The following RERE variants were observed in gnomAD, a reference collection of about 807,000 sequenced individuals.
RERE encodes arginine-glutamic acid dipeptide repeats protein.
Under a neutral mutation model 146.1 loss-of-function variants are expected in RERE, and 40 were observed. The ratio of observed to expected loss-of-function variants is 0.27; its 90% CI spans 0.21 to 0.36. The LOEUF (loss-of-function observed/expected upper bound fraction) is 0.36, where lower values mean the gene tolerates loss of function less well. Ranked by LOEUF, RERE falls within the 10% of genes least tolerant of loss-of-function variation. The pLI, the probability that RERE is intolerant of heterozygous loss-of-function variation, is 1.00. For synonymous variants in RERE, 1,003 were observed against 866.0 expected, an observed-to-expected ratio of 1.16 and a Z score of -2.78; for missense variants, 1,933 against 2,138.7, an observed-to-expected ratio of 0.90 and a Z score of 1.90.
chr1:8,657,222 G>A (rs1349262927), intron 1 of RERE, among the ~76,000 whole-genome samples: 5 of 150,544 alleles, frequency 3.3e-5, no homozygotes, highest in African/African-American at 9.8e-5. Context: ...GGAGAATGGC[G>A]TGAACCCAGG....
intron 4 of RERE, among the ~76,000 whole-genome samples, chr1:8,603,385 G>A (rs531661243): frequency 1.2e-4 from 19 of 152,286 alleles, no homozygotes; most frequent in South Asian, 8.3e-4. Flanking sequence ...CAGGAAAACC[G>A]AGTCATTACA....
At chr1:8,731,413 A>G (rs1423867053) in intron 1 of RERE, among the ~76,000 whole-genome samples, 1 of 152,190 alleles carries the variant, frequency 6.6e-6, no homozygotes, top group Non-Finnish European at 1.5e-5. Context: ...TGGGGAAAGG[A>G]CAATTACTCA....
intron 4 of RERE, among the ~76,000 whole-genome samples, chr1:8,589,565 T>C (rs963244754): frequency 7.9e-5 from 12 of 152,258 alleles, no homozygotes; most frequent in African/African-American, 2.4e-4. Flanking sequence ...GCCCTATTTA[T>C]TGAATATCTA....
intron 4 of RERE, among the ~76,000 whole-genome samples, chr1:8,599,299 C>T (rs540096298): frequency 1.3e-5 from 2 of 152,072 alleles, no homozygotes; most frequent in African/African-American, 2.4e-5. Flanking sequence ...TTAAAATCAA[C>T]GAAAAAAGCA....
intron 1 of RERE, among the ~76,000 whole-genome samples, chr1:8,760,685 T>C (rs1640738115): frequency 6.6e-6 from 1 of 152,248 alleles, no homozygotes; most frequent in Admixed American, 6.5e-5. Context: ...ATATTTACTA[T>C]AATTATTCCC....
chr1:8,359,752 C>G lies in RERE; in HGVS notation c.3618+12G>C. On this transcript the variant is annotated intron_variant, in intron 19 of 22. Transcript: ENST00000400908. ...AGCGCCCCCCGTCACACCTCGCCAA[C>G]CCTGGACTCACAGCCGCCCGCTCTG... 1 of 1,598,890 alleles carries G rather than the reference C, an allele frequency of 6.3e-7. No homozygotes were observed. Among genetic ancestry groups the G allele is most frequent in the Non-Finnish European group, 8.5e-7 (1 of 1,179,352 alleles).
intron 7 of RERE, among the ~76,000 whole-genome samples, chr1:8,540,595 C>T (rs189222180): frequency 6.6e-6 from 1 of 152,268 alleles, no homozygotes; most frequent in African/African-American, 2.4e-5. Flanking sequence ...CCACGTGCTA[C>T]ATTAAAGTAG....
At chr1:8,531,687 G>A (rs1391346002) in intron 7 of RERE, among the ~76,000 whole-genome samples, 1 of 152,174 alleles carries the variant, frequency 6.6e-6, no homozygotes, top group East Asian at 1.9e-4. Context: ...CTTGCTGTAA[G>A]TTTATGGTAA....
At chr1:8,649,340 A>G (rs1367241195) in intron 2 of RERE, among the ~76,000 whole-genome samples, 6 of 152,240 alleles carry the variant, frequency 3.9e-5, no homozygotes, top group Admixed American at 1.3e-4. Context: ...GAAGTAATAC[A>G]AAACAGACTT....
chr1:8,572,448 T>C lies in RERE; in HGVS notation c.523-14925A>G, dbSNP rs189185875. Among the ~76,000 whole-genome samples the C allele has an allele frequency of 7.2e-5, 11 of 152,352 alleles. No homozygotes were observed. In the East Asian group the frequency reaches 2.1e-3, roughly 29 times the overall value. ...GAGAATACTACAGACAGGAATCCCA[T>C]GATCTTTAAATCAAGTAATCGGCTA... On this transcript the variant is annotated intron_variant, in intron 4 of 22. Coordinates refer to ENST00000400908, the MANE Select transcript of RERE (RefSeq NM_001042681.2).
intron 12 of RERE, among the ~76,000 whole-genome samples, chr1:8,374,496 G>A (rs1042015853): frequency 6.6e-6 from 1 of 152,296 alleles, no homozygotes; most frequent in Admixed American, 6.5e-5. Flanking sequence ...TCTGGTGGAT[G>A]AACTCAGCCA....
At position 8,361,174 on chromosome 1, in the gene RERE, G is replaced by A; in HGVS notation, c.2333C>T (p.Ser778Phe). ...GTTAGGGGCCTGGGAGGCCGTGGGG[G>A]AGCCCTGTGGGGGAACTGCAGTGGC... ...PSATAVPPQG[S>F]PTASQAPNQP... is the part of the protein sequence containing the mutation. The change falls in exon 18 of 23, where the codon TCC (serine) becomes TTC (phenylalanine). Residue 778 changes from serine (S) to phenylalanine (F), a missense_variant. Around this residue, in one of 11 missense-constraint regions of RERE, gnomAD observed 1,255 missense variants for 1,153.8 expected, o/e 1.09. Transcript: ENST00000400908. The A allele has an allele frequency of 4.8e-6, 7 of 1,460,442 alleles. No individual in the cohort carries two copies. The highest frequency in any genetic ancestry group is 6.3e-6 in the Non-Finnish European group (7 of 1,112,240). The allele number at this position is 1,460,442 out of a possible 1,614,324, so 90.5% of individuals were successfully genotyped here. A position where few individuals can be genotyped will look rare whatever the true frequency, so the allele number is the denominator to read the frequency against.
At chr1:8,682,825 T>C (rs969656933) in intron 1 of RERE, among the ~76,000 whole-genome samples, 2 of 152,070 alleles carry the variant, frequency 1.3e-5, no homozygotes, top group Non-Finnish European at 2.9e-5. Context: ...CCAGTCTTTA[T>C]TAGAAATGAC....
At chr1:8,425,147 T>C (rs529479745) in intron 11 of RERE, 1 of 152,310 alleles carries the variant, frequency 6.6e-6, no homozygotes. Flanking sequence ...AGTTCAGGTA[T>C]GAGATGAGGA....
chr1:8,620,476 AT>A (rs892708525), intron 3 of RERE, among the ~76,000 whole-genome samples: 1 of 152,094 alleles, frequency 6.6e-6, no homozygotes, highest in Non-Finnish European at 1.5e-5. Flanking sequence ...ATTTTTACAG[AT>A]ATATTAGGGG....
chr1:8,370,320 C>G (rs760937341), intron 12 of RERE, among the ~76,000 whole-genome samples: 1 of 151,840 alleles, frequency 6.6e-6, no homozygotes, highest in Non-Finnish European at 1.5e-5. Flanking sequence ...TAGCGGTTGC[C>G]GAGAGCCTGG....
intron 12 of RERE, among the ~76,000 whole-genome samples, chr1:8,408,275 G>A (rs185725383): frequency 1.4e-4 from 22 of 152,212 alleles, no homozygotes; most frequent in Non-Finnish European, 2.5e-4. Flanking sequence ...AATCAAAGCC[G>A]AGTAGTAACA....
At chr1:8,777,890 T>TAAAA (rs36090225) in intron 1 of RERE, among the ~76,000 whole-genome samples, 1 of 140,752 alleles carries the variant, frequency 7.1e-6, no homozygotes, top group Admixed American at 7.2e-5. Flanking sequence ...AGTATATGGT[T>TAAAA]AAAAAAAAAA....
In RERE at chr1:8,369,411, A is replaced by T. The variant is rs140924656; in HGVS notation, c.1285-3437T>A. ...AACTTTTTGTTGACACTTAAAGAAG[A>T]AGTAGTCCAGAACAGATTTCACCAT... is the stretch of plus-strand genomic sequence containing the variant. On this transcript the variant is annotated intron_variant, in intron 12 of 22. Coordinates refer to ENST00000400908, the MANE Select transcript of RERE (RefSeq NM_001042681.2). Among the ~76,000 whole-genome samples the T allele has an allele frequency of 2.9e-3, 439 of 151,832 alleles. 1 individual carries two copies. The highest frequency in any genetic ancestry group is 9.6e-3 in the African/African-American group (397 of 41,418).
Sources: allele counts gnomAD v4.1 joint callset (sites outside exome capture counted in the v4.1 genomes callset), GRCh38; gene constraint gnomAD v4.1.1; regional missense constraint gnomAD v4.1.1; transcripts MANE v1.5; gene names NCBI Gene and HGNC (gene_info 2026-07-23, HGNC 2026-07-21).